PRP4K: variants seen among roughly 807,000 people sequenced by gnomAD.
PRP4K encodes the protein pre-mRNA processing factor kinase PRP4K.
chr6:4,038,919 C>CTTTTTTTTTTTTTTTTTTTTTTT, the PRP4K span, among the ~76,000 whole-genome samples: 5 of 144,270 alleles, frequency 3.5e-5, no homozygotes, highest in Non-Finnish European at 4.5e-5. Context: ...AATTTTTGTG[C>CTTTTTTTTTTTTTTTTTTTTTTT]TTTTTTTTTT....
At chr6:4,053,541 A>G in the PRP4K span, among the ~76,000 whole-genome samples, 35 of 110,196 alleles carry the variant, frequency 3.2e-4, no homozygotes, top group Admixed American at 2.9e-3. Flanking sequence ...CTCTTCGACT[A>G]GTGACTTCTG....
At chr6:4,044,295 T>C in the PRP4K span, 4 of 361,544 alleles carry the variant, frequency 1.1e-5, no homozygotes, top group African/African-American at 4.2e-5. Context: ...AATCCAATTA[T>C]GATTTTATTC....
At chr6:4,040,748 A>G in the PRP4K span, 7 of 1,607,360 alleles carry the variant, frequency 4.4e-6, no homozygotes, top group Non-Finnish European at 5.9e-6. Context: ...AAAAATGTAT[A>G]CCTGTCTTTT....
the PRP4K span, among the ~76,000 whole-genome samples, chr6:4,048,079 A>G: frequency 5.3e-5 from 8 of 151,978 alleles, no homozygotes; most frequent in African/African-American, 1.9e-4. Context: ...GTAAGGTGCA[A>G]TAAAGAATCA....
chr6:4,051,927 A>G, the PRP4K span: 3 of 1,436,420 alleles, frequency 2.1e-6, no homozygotes, highest in South Asian at 1.3e-5. Flanking sequence ...TATATATTCA[A>G]TTTTACCCCA....
At chr6:4,044,910 T>C in the PRP4K span, among the ~76,000 whole-genome samples, 7 of 150,276 alleles carry the variant, frequency 4.7e-5, no homozygotes, top group Non-Finnish European at 7.4e-5. Flanking sequence ...TCACCGAGGC[T>C]GGAGTGCAGT....
At chr6:4,054,188 TAC>T in the PRP4K span, among the ~76,000 whole-genome samples, 1 of 151,986 alleles carries the variant, frequency 6.6e-6, no homozygotes, top group South Asian at 2.1e-4. Context: ...AGGTGTGAGC[TAC>T]CATGCTTGGC....
the PRP4K span, chr6:4,049,934 C>T: frequency 9.3e-5 from 142 of 1,532,024 alleles, 1 homozygote; most frequent in Admixed American, 1.3e-3. Context: ...TACAGAAGAA[C>T]ATATTTTTAA....
the PRP4K span, among the ~76,000 whole-genome samples, chr6:4,023,883 T>TC: frequency 6.6e-6 from 1 of 151,446 alleles, no homozygotes; most frequent in African/African-American, 2.4e-5. Context: ...TTTTTTTTTT[T>TC]TTGAGACGGA....
chr6:4,030,295 T>G, the PRP4K span, among the ~76,000 whole-genome samples: 3 of 151,954 alleles, frequency 2.0e-5, no homozygotes, highest in Non-Finnish European at 2.9e-5. Flanking sequence ...GGTTGGTGAG[T>G]TTTTTTTAAA....
At chr6:4,056,299 C>G in the PRP4K span, 12 of 1,535,198 alleles carry the variant, frequency 7.8e-6, no homozygotes, top group Non-Finnish European at 1.1e-5. Flanking sequence ...GAATTAAATT[C>G]CCTTGAAAAA....
the PRP4K span, chr6:4,064,312 T>G: frequency 6.6e-6 from 1 of 152,536 alleles, no homozygotes; most frequent in Non-Finnish European, 1.5e-5. Context: ...TGTGGTAGAG[T>G]AAGTAAAATG....
the PRP4K span, chr6:4,060,365 A>G: frequency 2.6e-6 from 4 of 1,528,332 alleles, no homozygotes; most frequent in Non-Finnish European, 3.6e-6. The surrounding 1 kb of genome is among the most constrained non-coding windows in gnomAD (Gnocchi z 4.7). Context: ...TAAGTTGTAT[A>G]TGCTTAGTAA....
At chr6:4,037,491 T>G in the PRP4K span, 1 of 1,613,748 alleles carries the variant, frequency 6.2e-7, no homozygotes. Context: ...AAGAAGTAGA[T>G]CTCCCATTAG....
chr6:4,038,743 C>A, the PRP4K span, among the ~76,000 whole-genome samples: 3 of 152,178 alleles, frequency 2.0e-5, no homozygotes, highest in East Asian at 1.9e-4. Context: ...AGTCTTCTTG[C>A]TCCAAGCTGA....
the PRP4K span, among the ~76,000 whole-genome samples, chr6:4,036,990 A>C: frequency 1.4e-4 from 1 of 7,018 alleles, no homozygotes; most frequent in African/African-American, 9.1e-4. Flanking sequence ...TGTCTCAAAA[A>C]AAAAAAAAAA....
the PRP4K span, among the ~76,000 whole-genome samples, chr6:4,047,449 A>C: frequency 1.1e-4 from 16 of 152,236 alleles, no homozygotes; most frequent in African/African-American, 3.6e-4. Context: ...GTATGGCAGA[A>C]CAATTTGAGA....
the PRP4K span, chr6:4,058,619 C>T: frequency 1.2e-6 from 1 of 848,898 alleles, no homozygotes; most frequent in Non-Finnish European, 1.9e-6. Flanking sequence ...ATCAAACAAA[C>T]CTACAGAGAC....
the PRP4K span, among the ~76,000 whole-genome samples, chr6:4,043,268 A>C: frequency 4.6e-5 from 7 of 152,336 alleles, no homozygotes; most frequent in East Asian, 1.3e-3. Context: ...ATTCCGGAGG[A>C]AGCTTACTTT....
Sources: allele counts gnomAD v4.1 joint callset (sites outside exome capture counted in the v4.1 genomes callset), GRCh38; gene constraint gnomAD v4.1.1; non-coding constraint Gnocchi (gnomAD v3.1); transcripts MANE v1.5; gene names NCBI Gene and HGNC (gene_info 2026-07-23, HGNC 2026-07-21).